The following TCF12 variants were observed in gnomAD, a reference collection of about 807,000 sequenced individuals.
The protein encoded by TCF12 is DNA-binding protein HTF4.
In TCF12, 45 loss-of-function variants were observed where a neutral mutation model predicts 86.0. The ratio of observed to expected loss-of-function variants is 0.52; its 90% confidence interval spans 0.41 to 0.67. The LOEUF is 0.67. Among genes scored for constraint, TCF12 ranks in the 30% least tolerant of loss-of-function variants. The pLI is 0.00. For synonymous variants in TCF12, 330 were observed against 299.6 expected, an observed-to-expected ratio of 1.10 and a Z score of -1.05; for missense variants, 881 against 859.9, an observed-to-expected ratio of 1.02 and a Z score of -0.31.
intron 5 of TCF12, among the ~76,000 whole-genome samples, chr15:57,125,456 C>G (rs912499185): frequency 6.6e-6 from 1 of 152,054 alleles, no homozygotes; most frequent in Non-Finnish European, 1.5e-5. Flanking sequence ...TACAGTTACA[C>G]GAGGCAAACC....
chr15:57,140,193 A>G (rs540013361), intron 5 of TCF12, among the ~76,000 whole-genome samples: 29 of 152,344 alleles, frequency 1.9e-4, no homozygotes, highest in Middle Eastern at 3.4e-3. Context: ...AAAATGTGGT[A>G]TATGCATACA....
chr15:56,920,360 C>A (rs2059728259), intron 2 of TCF12, among the ~76,000 whole-genome samples: 2 of 152,042 alleles, frequency 1.3e-5, no homozygotes, highest in Admixed American at 6.6e-5. Flanking sequence ...GTACTCCTCA[C>A]CATTTTCCTC....
At chr15:57,205,610 TCAGACTAG>T (rs756988262) in intron 8 of TCF12, among the ~76,000 whole-genome samples, 3 of 152,230 alleles carry the variant, frequency 2.0e-5, no homozygotes, top group Non-Finnish European at 4.4e-5. Flanking sequence ...ACCTTACAGG[TCAGACTAG>T]CAGAAAAATC....
chr15:57,275,327 G>GGGGGGGGGTGTGTGTGTGTGT (rs2061328433), intron 19 of TCF12, among the ~76,000 whole-genome samples: 1 of 64,060 alleles, frequency 1.6e-5, no homozygotes, highest in African/African-American at 7.2e-5. Flanking sequence ...GTAAGGTAGG[G>GGGGGGGGGTGTGTGTGTGTGT]GTGTGTGTGT....
chr15:57,237,627 A>G (rs540378268), intron 12 of TCF12, among the ~76,000 whole-genome samples: 14 of 152,322 alleles, frequency 9.2e-5, no homozygotes, highest in African/African-American at 3.1e-4. Flanking sequence ...TCTAGACTCT[A>G]AATCACTCTT....
chr15:57,255,155 A>C (rs774226407), intron 16 of TCF12, among the ~76,000 whole-genome samples: 63 of 152,166 alleles, frequency 4.1e-4, no homozygotes, highest in Non-Finnish European at 7.9e-4. Flanking sequence ...CTCCTATTCC[A>C]ACTTATCAGC....
At chr15:57,075,357 C>T (rs1217929200) in intron 4 of TCF12, among the ~76,000 whole-genome samples, 1 of 152,154 alleles carries the variant, frequency 6.6e-6, no homozygotes, top group Non-Finnish European at 1.5e-5. Flanking sequence ...TCTGTATGCA[C>T]ATCTTTATGT....
intron 3 of TCF12, among the ~76,000 whole-genome samples, chr15:56,995,672 A>G (rs1430038430): frequency 2.0e-5 from 3 of 152,128 alleles, no homozygotes; most frequent in South Asian, 4.1e-4. Flanking sequence ...GTAGTTGCCT[A>G]TCAGCTCTAG....
At chr15:57,208,971 C>T (rs2057987989) in intron 8 of TCF12, among the ~76,000 whole-genome samples, 2 of 152,230 alleles carry the variant, frequency 1.3e-5, no homozygotes, top group South Asian at 4.1e-4. Flanking sequence ...CCATCTTGGC[C>T]TCCCAAAGTG....
chr15:56,954,940 T>A (rs771838258), intron 3 of TCF12, among the ~76,000 whole-genome samples: 42 of 152,202 alleles, frequency 2.8e-4, no homozygotes, highest in Non-Finnish European at 5.0e-4. Flanking sequence ...GGAACGCTTT[T>A]ACACTGTTGG....
rs751922476 is a variant in TCF12, at chr15:57,288,604, A to C, written c.*2459A>C. On this transcript the variant is annotated 3_prime_UTR_variant, in exon 21 of 21. Transcript: ENST00000333725. ...TCTCATTCGTCCCAGAAACACTCAC[A>C]CTGCTTTTCCTAACTGCATTACCGA... is the stretch of plus-strand genomic sequence containing the variant. 6.6e-6 allele frequency: 1 copy of C among 152,506 alleles called. No homozygotes were observed. The highest frequency in any genetic ancestry group is 1.5e-5 in the Non-Finnish European group (1 of 68,048). The allele number at this position is 152,506 out of a possible 1,614,324, so 9.4% of individuals were successfully genotyped here. A position where few individuals can be genotyped will look rare whatever the true frequency, so the allele number is the denominator to read the frequency against.
At chr15:57,115,714 T>C (rs1192996634) in intron 5 of TCF12, among the ~76,000 whole-genome samples, 1 of 152,226 alleles carries the variant, frequency 6.6e-6, no homozygotes, top group Non-Finnish European at 1.5e-5. Flanking sequence ...GTTCTGTTGC[T>C]TAATTCCTAG....
intron 8 of TCF12, among the ~76,000 whole-genome samples, chr15:57,218,793 A>G (rs1430514849): frequency 6.6e-6 from 1 of 152,174 alleles, no homozygotes; most frequent in African/African-American, 2.4e-5. Context: ...TAGTTTCAAG[A>G]TAATCTATCT....
chr15:57,067,538 CAAAAAAAAAA>C (rs141377160), intron 4 of TCF12, among the ~76,000 whole-genome samples: 4 of 58,558 alleles, frequency 6.8e-5, no homozygotes, highest in African/African-American at 2.9e-4. Flanking sequence ...GACTCCGTCT[CAAAAAAAAAA>C]AAAAAAAAAA....
At chr15:57,175,871 A>G (rs969995645) in intron 6 of TCF12, among the ~76,000 whole-genome samples, 1 of 152,216 alleles carries the variant, frequency 6.6e-6, no homozygotes. Context: ...TCCAGATTTC[A>G]GCTTAATTTT....
chr15:57,141,958 G>T (rs1219219857), intron 5 of TCF12, among the ~76,000 whole-genome samples: 1 of 152,166 alleles, frequency 6.6e-6, no homozygotes, highest in Non-Finnish European at 1.5e-5. Flanking sequence ...AAGCACAAAC[G>T]GGAGGAATAG....
intron 3 of TCF12, among the ~76,000 whole-genome samples, chr15:56,995,320 T>A (rs1364236716): frequency 1.3e-5 from 2 of 148,824 alleles, no homozygotes; most frequent in African/African-American, 4.9e-5. Context: ...TTAGAATAGT[T>A]TTTTTCTAGT....
chr15:57,001,795 T>C (rs1175994852), intron 3 of TCF12, among the ~76,000 whole-genome samples: 1 of 152,220 alleles, frequency 6.6e-6, no homozygotes, highest in African/African-American at 2.4e-5. Flanking sequence ...TAGTTCTGCC[T>C]GCTTCCATTG....
chr15:57,028,877 C>T (rs887537944), intron 3 of TCF12, among the ~76,000 whole-genome samples: 11 of 151,954 alleles, frequency 7.2e-5, no homozygotes, highest in African/African-American at 2.4e-4. Flanking sequence ...TGGCTCACTG[C>T]ACCTTCTCCC....
Sources: allele counts gnomAD v4.1 joint callset (sites outside exome capture counted in the v4.1 genomes callset), GRCh38; gene constraint gnomAD v4.1.1; transcripts MANE v1.5; gene names NCBI Gene and HGNC (gene_info 2026-07-23, HGNC 2026-07-21).